Variants in PIEZO2 observed in about 807,000 individuals in gnomAD.
PIEZO2 encodes the protein piezo-type mechanosensitive ion channel component 2.
PIEZO2 carries 172 observed loss-of-function variants against 337.3 expected under a neutral mutation model. The observed-to-expected ratio is 0.51, with a 90% CI of 0.45 to 0.58. The LOEUF is 0.58. Among genes scored for constraint, PIEZO2 ranks in the 20% least tolerant of loss-of-function variants. The pLI is 0.00. For missense variants in PIEZO2, 3,028 were observed against 3,391.3 expected (o/e 0.89, Z 2.66); for synonymous variants, 1,251 against 1,228.5 (o/e 1.02, Z -0.38).
chr18:10,864,238 C>T (rs2041949570), intron 5 of PIEZO2, among the ~76,000 whole-genome samples: 1 of 152,196 alleles, frequency 6.6e-6, no homozygotes, highest in Admixed American at 6.5e-5. Flanking sequence ...ATCTATCCCT[C>T]CCTCCACTCA....
intron 4 of PIEZO2, among the ~76,000 whole-genome samples, chr18:10,906,469 G>C (rs981483728): frequency 6.6e-6 from 1 of 152,094 alleles, no homozygotes; most frequent in Non-Finnish European, 1.5e-5. Context: ...TATTTACTTG[G>C]TGATATATTT....
intron 5 of PIEZO2, among the ~76,000 whole-genome samples, chr18:10,869,265 T>A (rs147424531): frequency 2.9e-3 from 447 of 152,326 alleles, no homozygotes; most frequent in African/African-American, 9.8e-3. Flanking sequence ...GCGGCCTCCA[T>A]GTCTGACTTC....
At chr18:10,740,860 C>T (rs1239376334) in intron 33 of PIEZO2, 171 bp downstream of exon 33, 6 of 724,636 alleles carry the variant, frequency 8.3e-6, no homozygotes, top group Non-Finnish European at 1.5e-5. Context: ...AAGAATTGGA[C>T]CCCGGGCTCA....
intron 20 of PIEZO2, among the ~76,000 whole-genome samples, chr18:10,770,597 C>T (rs1367606511): frequency 6.6e-6 from 1 of 151,762 alleles, no homozygotes; most frequent in African/African-American, 2.4e-5. Context: ...TCCTTCCACT[C>T]GCTTGCTTGC....
intron 39 of PIEZO2, among the ~76,000 whole-genome samples, chr18:10,711,751 T>C (rs4797469): frequency 0.83 from 125,681 of 152,234 alleles, 52,609 homozygotes; most frequent in East Asian, 0.99. Flanking sequence ...TCAAACTCAA[T>C]ACTACGCATG....
At chr18:11,073,992 GCATGC>G (rs1200060718) in intron 1 of PIEZO2, among the ~76,000 whole-genome samples, 1 of 151,876 alleles carries the variant, frequency 6.6e-6, no homozygotes, top group African/African-American at 2.4e-5. Context: ...GACAACAGGC[GCATGC>G]CACCATGCCC....
intron 49 of PIEZO2, among the ~76,000 whole-genome samples, chr18:10,687,104 T>G (rs598663): frequency 0.44 from 67,056 of 151,940 alleles, 15,681 homozygotes; most frequent in East Asian, 0.72. Context: ...TTGAATTTAT[T>G]TGTGTCACCA....
intron 2 of PIEZO2, among the ~76,000 whole-genome samples, chr18:11,006,119 A>G (rs1598815857): frequency 6.6e-6 from 1 of 152,212 alleles, no homozygotes; most frequent in Non-Finnish European, 1.5e-5. Context: ...ACCCCCGGTC[A>G]TCCAAGCTAA....
chr18:10,860,200 T>C (rs1270164911), intron 5 of PIEZO2, among the ~76,000 whole-genome samples: 1 of 152,096 alleles, frequency 6.6e-6, no homozygotes, highest in Admixed American at 6.6e-5. Context: ...CAGCATATGA[T>C]GGTTTAAACG....
At chr18:10,814,248 C>A (rs1167517796) in intron 7 of PIEZO2, among the ~76,000 whole-genome samples, 32 of 152,204 alleles carry the variant, frequency 2.1e-4, no homozygotes, top group African/African-American at 7.7e-4. Flanking sequence ...GGATTACAGG[C>A]ATGAGCCACC....
chr18:10,906,042 G>A (rs903464447), intron 4 of PIEZO2, among the ~76,000 whole-genome samples: 4 of 152,126 alleles, frequency 2.6e-5, no homozygotes, highest in Non-Finnish European at 4.4e-5. Context: ...ATAGATGCTG[G>A]GGAAGAGGCT....
intron 3 of PIEZO2, among the ~76,000 whole-genome samples, chr18:10,971,737 T>G (rs149348610): frequency 1.3e-5 from 2 of 152,304 alleles, no homozygotes; most frequent in South Asian, 2.1e-4. Flanking sequence ...AAAATTTATG[T>G]ATCCTAATCA....
intron 54 of PIEZO2, among the ~76,000 whole-genome samples, chr18:10,674,336 T>G (rs998674992): frequency 6.6e-6 from 1 of 152,230 alleles, no homozygotes; most frequent in East Asian, 1.9e-4. Flanking sequence ...GATGAAACAT[T>G]TCTACAACTA....
At chr18:10,858,862 C>T (rs765280150) in intron 5 of PIEZO2, among the ~76,000 whole-genome samples, 48 of 152,284 alleles carry the variant, frequency 3.2e-4, no homozygotes, top group Middle Eastern at 3.4e-3. Context: ...TTCAACTTGA[C>T]TTCTACTGTA....
chr18:10,891,858 G>T (rs2042766638), intron 4 of PIEZO2, among the ~76,000 whole-genome samples: 1 of 152,072 alleles, frequency 6.6e-6, no homozygotes, highest in Non-Finnish European at 1.5e-5. Context: ...TAAAATAAAT[G>T]AAAATATAAA....
chr18:10,691,349 A>G lies in PIEZO2; in HGVS notation c.7225T>C (p.Tyr2409His). 6.2e-7 allele frequency: 1 copy of G among 1,613,798 alleles called. No homozygotes were observed. The highest frequency in any genetic ancestry group is 8.5e-7 in the Non-Finnish European group (1 of 1,179,922). ...FSQNLVAQLW[Y>H]FVKCVYFGLS... ...CCGAAGTAAACACATTTCACAAAGT[A>G]CCAAAGCTGGGCAACCAGGTTCTGG... Residue 2409 changes from tyrosine (Y) to histidine (H), a missense_variant, in exon 48 of 56, where the codon TAC (tyrosine) becomes CAC (histidine). Tyr to His is a moderately conservative substitution (Grantham distance 83, BLOSUM62 2). Around this residue, in one of 5 missense-constraint regions of PIEZO2, gnomAD observed 179 missense variants for 281.8 expected, o/e 0.64. Coordinates refer to ENST00000674853, the MANE Select transcript of PIEZO2 (RefSeq NM_001378183.1).
chr18:11,056,984 G>A (rs1259409406), intron 2 of PIEZO2, among the ~76,000 whole-genome samples: 1 of 152,190 alleles, frequency 6.6e-6, no homozygotes, highest in African/African-American at 2.4e-5. Context: ...TCTGTGCATT[G>A]AATGAAGACT....
At chr18:10,981,332 A>G (rs1237903949) in intron 2 of PIEZO2, among the ~76,000 whole-genome samples, 1 of 152,212 alleles carries the variant, frequency 6.6e-6, no homozygotes, top group Non-Finnish European at 1.5e-5. Context: ...TCCATAAAAT[A>G]TTAGCAAAAT....
Position 11,085,767 on chromosome 18 carries a change from GA to G in PIEZO2, c.65-19546del, listed in dbSNP as rs61231462. Among the ~76,000 whole-genome samples the G allele has an allele frequency of 3.6e-3, 519 of 143,788 alleles. 2 individuals are homozygous for G. The highest frequency in any genetic ancestry group is 0.018 in the Middle Eastern group (5 of 276). The allele number at this position is 143,788 out of a possible 152,430, so 94.3% of individuals were successfully genotyped here. Reference sequence around the variant, plus strand: ...CACCAGATATCACTATGAAAATATAGAAAAAAAATTTTTTTTAAAGCTTACT... The same window carrying G: ...CACCAGATATCACTATGAAAATATAGAAAAAAATTTTTTTTAAAGCTTACT... On this transcript the variant is annotated intron_variant, in intron 1 of 55. Coordinates refer to ENST00000674853, the MANE Select transcript of PIEZO2 (RefSeq NM_001378183.1).
Sources: allele counts gnomAD v4.1 joint callset (sites outside exome capture counted in the v4.1 genomes callset), GRCh38; gene constraint gnomAD v4.1.1; regional missense constraint gnomAD v4.1.1; transcripts MANE v1.5; gene names NCBI Gene and HGNC (gene_info 2026-07-23, HGNC 2026-07-21).